The following TNFSF4 variants were observed in gnomAD, a reference collection of about 807,000 sequenced individuals.
TNFSF4 encodes tumor necrosis factor ligand superfamily member 4.
In TNFSF4, 4 loss-of-function variants were observed where a neutral mutation model predicts 7.3. The ratio of observed to expected loss-of-function variants is 0.55; its 90% CI spans 0.27 to 1.25. The LOEUF (loss-of-function observed/expected upper bound fraction) is 1.25, where lower values mean the gene tolerates loss of function less well. Ranked by LOEUF, TNFSF4 falls within the 50% of genes most tolerant of loss-of-function variation. TNFSF4 has a pLI of 0.12. For missense variants in TNFSF4, 181 were observed against 208.8 expected (o/e 0.87, Z 0.82); for synonymous variants, 76 against 83.7 (o/e 0.91, Z 0.50).
At chr1:173,395,037 T>TAGATAATA in the TNFSF4 span, among the ~76,000 whole-genome samples, 1 of 94,126 alleles carries the variant, frequency 1.1e-5, no homozygotes, top group East Asian at 3.4e-4. Context: ...GATAGATAGA[T>TAGATAATA]GATAGATAGA....
intron 1 of TNFSF4, 77 bp downstream of exon 1, chr1:173,206,947 C>A: frequency 6.8e-7 from 1 of 1,479,746 alleles, no homozygotes; most frequent in Non-Finnish European, 9.1e-7. Context: ...AGATTATTTC[C>A]AAGCGACTGT....
At chr1:173,241,272 C>A in the TNFSF4 span, among the ~76,000 whole-genome samples, 9 of 152,248 alleles carry the variant, frequency 5.9e-5, no homozygotes, top group Non-Finnish European at 1.2e-4. Flanking sequence ...CCTGTTAAAC[C>A]AATTTCCTTA....
chr1:173,232,797 C>G, the TNFSF4 span, among the ~76,000 whole-genome samples: 1 of 152,120 alleles, frequency 6.6e-6, no homozygotes, highest in Non-Finnish European at 1.5e-5. Flanking sequence ...GTTGAACCAG[C>G]CTTGCATCCC....
At chr1:173,305,967 C>A in the TNFSF4 span, among the ~76,000 whole-genome samples, 13 of 151,912 alleles carry the variant, frequency 8.6e-5, no homozygotes, top group African/African-American at 3.1e-4. Flanking sequence ...CCACATCACC[C>A]TTCCCTGGAT....
the TNFSF4 span, among the ~76,000 whole-genome samples, chr1:173,315,919 T>C: frequency 6.6e-6 from 1 of 152,200 alleles, no homozygotes; most frequent in Non-Finnish European, 1.5e-5. Context: ...CATTTGCTTA[T>C]TTTTGCTTTT....
chr1:173,277,125 G>A, the TNFSF4 span, among the ~76,000 whole-genome samples: 1 of 152,138 alleles, frequency 6.6e-6, no homozygotes, highest in African/African-American at 2.4e-5. Context: ...TCTGCCAGTA[G>A]TAAAAAAGAA....
chr1:173,278,609 A>AATCAAATATG, the TNFSF4 span, among the ~76,000 whole-genome samples: 86 of 152,094 alleles, frequency 5.7e-4, no homozygotes, highest in Non-Finnish European at 1.0e-3. Flanking sequence ...CATCTTAACA[A>AATCAAATATG]ATCAAATATG....
chr1:173,268,911 T>C, the TNFSF4 span, among the ~76,000 whole-genome samples: 1 of 152,152 alleles, frequency 6.6e-6, no homozygotes, highest in South Asian at 2.1e-4. Context: ...ATTATGCACC[T>C]ACCATATTTG....
chr1:173,269,956 A>C, the TNFSF4 span, among the ~76,000 whole-genome samples: 9 of 152,158 alleles, frequency 5.9e-5, no homozygotes, highest in Admixed American at 1.3e-4. Flanking sequence ...TATTGCAATA[A>C]GGATAATGAT....
Position 173,185,900 on chromosome 1 carries a change from A to G in TNFSF4, c.*616T>C, listed in dbSNP as rs529269829. 1 of 152,304 alleles carries G rather than the reference A, an allele frequency of 6.6e-6. No homozygotes were observed. Among genetic ancestry groups the G allele is most frequent in the South Asian group, 2.1e-4 (1 of 4,828 alleles). The allele number at this position is 152,304 out of a possible 1,614,324, so 9.4% of individuals were successfully genotyped here. On this transcript the variant is annotated 3_prime_UTR_variant, in exon 3 of 3. Coordinates refer to ENST00000281834, the MANE Select transcript of TNFSF4 (RefSeq NM_003326.5). The stretch of plus-strand genomic sequence containing the variant: ...ATGGTAAAGAAAAAAAGCACGTGGT[A>G]TTTCTTAGACGGCTCTCTTCAAGTC...
the TNFSF4 span, among the ~76,000 whole-genome samples, chr1:173,370,729 A>G: frequency 2.0e-4 from 30 of 152,242 alleles, no homozygotes; most frequent in African/African-American, 7.0e-4. Flanking sequence ...CAACATCAGT[A>G]TTCTATAATA....
At chr1:173,186,934 A>T in intron 2 of TNFSF4, 69 bp from the exon 3 acceptor site, 1 of 1,037,808 alleles carries the variant, frequency 9.6e-7, no homozygotes. Flanking sequence ...ACCTTCCAAT[A>T]CATCTGGAAT....
chr1:173,359,826 G>T, the TNFSF4 span, among the ~76,000 whole-genome samples: 1 of 152,232 alleles, frequency 6.6e-6, no homozygotes, highest in African/African-American at 2.4e-5. Context: ...GCACACGGGG[G>T]CAAATGGGAG....
At chr1:173,283,884 A>C in the TNFSF4 span, among the ~76,000 whole-genome samples, 5 of 151,896 alleles carry the variant, frequency 3.3e-5, no homozygotes, top group African/African-American at 1.2e-4. Context: ...AAAAGGTTGA[A>C]AGTTAGGCCT....
the TNFSF4 span, among the ~76,000 whole-genome samples, chr1:173,379,973 G>T: frequency 2.0e-5 from 3 of 152,160 alleles, no homozygotes; most frequent in African/African-American, 7.2e-5. Flanking sequence ...GTGTGCCCAG[G>T]GCAAGCGCCA....
At chr1:173,183,454 G>A (rs1369391325), downstream of TNFSF4, among the ~76,000 whole-genome samples, 1 of 152,144 alleles carries the variant, frequency 6.6e-6, no homozygotes, top group African/African-American at 2.4e-5. Context: ...TTAGAAATAA[G>A]GTTCTGAGGA....
chr1:173,214,486 G>A, the TNFSF4 span, among the ~76,000 whole-genome samples: 2 of 152,198 alleles, frequency 1.3e-5, no homozygotes, highest in Admixed American at 1.3e-4. Context: ...ATTCGATCAA[G>A]GGTGTTCAAT....
At chr1:173,344,082 C>T in the TNFSF4 span, among the ~76,000 whole-genome samples, 3 of 152,132 alleles carry the variant, frequency 2.0e-5, no homozygotes, top group Non-Finnish European at 1.5e-5. Context: ...TTTAACAGCC[C>T]TTTATTGAGT....
At chr1:173,416,757 C>T in the TNFSF4 span, among the ~76,000 whole-genome samples, 1 of 151,786 alleles carries the variant, frequency 6.6e-6, no homozygotes, top group Non-Finnish European at 1.5e-5. Context: ...CCAGCATGCC[C>T]GGCTAATTTT....
Sources: gnomAD v4.1 joint callset for allele counts (sites outside exome capture counted in the v4.1 genomes callset) on GRCh38, gnomAD v4.1.1 for gene constraint, MANE v1.5 for transcripts, NCBI Gene and HGNC (gene_info 2026-07-23, HGNC 2026-07-21) for gene names.